Variants in TRUB1 observed in about 807,000 individuals in gnomAD.
TRUB1 encodes the protein pseudouridylate synthase TRUB1.
A neutral mutation model predicts 33.9 loss-of-function variants in TRUB1; 23 were observed. The observed-to-expected ratio is 0.68, with a 90% CI of 0.49 to 0.96. TRUB1 has a LOEUF of 0.96. Among genes scored for constraint, TRUB1 ranks in the 40% least tolerant of loss-of-function variants. TRUB1 has a pLI of 0.00. For synonymous variants in TRUB1, 163 were observed against 165.4 expected (o/e 0.99, Z 0.11); for missense variants, 378 against 422.2 (o/e 0.90, Z 0.92).
chr10:114,970,617 G>A (rs1245273444), intron 5 of TRUB1, among the ~76,000 whole-genome samples, 177 bp downstream of exon 5: 2 of 152,224 alleles, frequency 1.3e-5, no homozygotes, highest in Non-Finnish European at 2.9e-5. Context: ...CACTCTAAGA[G>A]GCAGTGGAAT....
chr10:114,942,439 G>C (rs1564696880), intron 1 of TRUB1, among the ~76,000 whole-genome samples: 1 of 152,000 alleles, frequency 6.6e-6, no homozygotes, highest in Non-Finnish European at 1.5e-5. Flanking sequence ...GCTGATTTTG[G>C]AATACTCTTT....
At chr10:114,964,262 G>T (rs544575763) in intron 4 of TRUB1, among the ~76,000 whole-genome samples, 2 of 151,908 alleles carry the variant, frequency 1.3e-5, no homozygotes, top group South Asian at 4.2e-4. Flanking sequence ...AGTGTTTTTG[G>T]CTTATTAGCC....
chr10:114,963,966 C>CGTGT (rs35359334), intron 4 of TRUB1, among the ~76,000 whole-genome samples: 159 of 148,998 alleles, frequency 1.1e-3, no homozygotes, highest in Admixed American at 1.5e-3. Context: ...GAATATAGGT[C>CGTGT]GTGTGTGTGT....
intron 4 of TRUB1, among the ~76,000 whole-genome samples, chr10:114,968,966 C>T (rs1179840017): frequency 1.3e-5 from 2 of 151,926 alleles, no homozygotes; most frequent in Non-Finnish European, 2.9e-5. Context: ...AATTTCTTAC[C>T]ATTGGCTGTG....
intron 3 of TRUB1, among the ~76,000 whole-genome samples, chr10:114,952,354 T>A (rs969037601): frequency 2.0e-5 from 3 of 152,146 alleles, no homozygotes; most frequent in African/African-American, 7.2e-5. Flanking sequence ...GGCAGGAGAA[T>A]CACTTGAACC....
chr10:114,964,427 A>C (rs1366512693), intron 4 of TRUB1, among the ~76,000 whole-genome samples: 1 of 151,452 alleles, frequency 6.6e-6, no homozygotes, highest in African/African-American at 2.4e-5. Context: ...TATAGTCTGG[A>C]TATGTTCTCT....
intron 4 of TRUB1, among the ~76,000 whole-genome samples, chr10:114,965,275 C>T (rs1486025728): frequency 6.6e-6 from 1 of 151,862 alleles, no homozygotes; most frequent in Non-Finnish European, 1.5e-5. Context: ...AAAGAAGTTG[C>T]CTTTTATTCC....
intron 6 of TRUB1, among the ~76,000 whole-genome samples, chr10:114,973,319 A>G (rs531430585): frequency 2.0e-5 from 3 of 152,334 alleles, no homozygotes. Flanking sequence ...TTCAGATTGC[A>G]TTTAAGTCAG....
chr10:114,947,538 C>T (rs1358601865), intron 2 of TRUB1, among the ~76,000 whole-genome samples: 2 of 152,318 alleles, frequency 1.3e-5, no homozygotes, highest in East Asian at 3.9e-4. Context: ...TTCCACCTTT[C>T]ATCAATAGTC....
At chr10:114,939,321 C>A (rs1436986437) in intron 1 of TRUB1, among the ~76,000 whole-genome samples, 1 of 152,134 alleles carries the variant, frequency 6.6e-6, no homozygotes, top group Non-Finnish European at 1.5e-5. Context: ...TACAATAAGC[C>A]AGGTCTGTGC....
rs1592054865 is a variant in TRUB1 at position 114,971,991 on chromosome 10, T to A, written c.597-144T>A. 5 of 912,868 alleles carry A rather than the reference T, an allele frequency of 5.5e-6. No homozygotes were observed. The East Asian group carries it at 1.3e-4, about 25-fold the overall frequency. The allele number at this position is 912,868 out of a possible 1,614,324, so 56.5% of individuals were successfully genotyped here. On this transcript the variant is annotated intron_variant, in intron 5 of 7. Coordinates refer to ENST00000298746, the MANE Select transcript of TRUB1 (RefSeq NM_139169.5). ...GATTAGAATTAAAAATTCATTCATT[T>A]TTTAGAAGGATTTTCATTGTGAAGC...
chr10:114,939,756 A>G (rs186656785), intron 1 of TRUB1, among the ~76,000 whole-genome samples: 106 of 151,980 alleles, frequency 7.0e-4, no homozygotes, highest in African/African-American at 2.5e-3. Flanking sequence ...TGGTATCATC[A>G]TAGTTTTTTA....
intron 5 of TRUB1, among the ~76,000 whole-genome samples, chr10:114,971,096 T>C (rs1331988259): frequency 6.6e-6 from 1 of 152,164 alleles, no homozygotes; most frequent in Admixed American, 6.5e-5. Context: ...TTTTCACAGA[T>C]GGCACCTTCT....
At chr10:114,944,385 T>A (rs2084202542) in intron 2 of TRUB1, among the ~76,000 whole-genome samples, 1 of 152,182 alleles carries the variant, frequency 6.6e-6, no homozygotes, top group South Asian at 2.1e-4. Context: ...TATGATTTTG[T>A]ATTTTCTAAA....
chr10:114,974,986 G>A, intron 7 of TRUB1, 137 bp from the exon 8 acceptor site: 1 of 967,784 alleles, frequency 1.0e-6, no homozygotes, highest in Non-Finnish European at 1.5e-6. Flanking sequence ...GAGGCCTCTT[G>A]GTTCTTATAT....
At position 114,974,347 on chromosome 10, in the gene TRUB1, G is replaced by T. The variant is rs556793703; in HGVS notation, c.755G>T (p.Gly252Val). 6.2e-7 allele frequency: 1 copy of T among 1,612,840 alleles called. No individual in the cohort carries two copies. Among genetic ancestry groups the T allele is most frequent in the South Asian group, 1.1e-5 (1 of 91,020 alleles). The change falls in exon 7 of 8, where the codon GGT becomes GTT. Residue 252 changes from glycine to valine, a missense_variant. Physicochemically the swap from Gly to Val is moderately radical, Grantham distance 109. Coordinates refer to ENST00000298746, the MANE Select transcript of TRUB1 (RefSeq NM_139169.5). ...FFTLDVECGG[G>V]FYIRSLVSDI... ...ATTCCAGATGTTGAATGTGGAGGAG[G>T]TTTTTATATCAGAAGCTTGGTCAGT... is the stretch of plus-strand genomic sequence containing the variant.
intron 3 of TRUB1, 59 bp downstream of exon 3, chr10:114,951,208 G>A (rs1055447993): frequency 2.2e-6 from 3 of 1,371,940 alleles, no homozygotes; most frequent in Non-Finnish European, 3.1e-6. Context: ...TACATGTATT[G>A]GGTTTTTATC....
rs1215452367 is a variant in TRUB1 at position 114,959,716 on chromosome 10, C to T, written c.442-10C>T. Reference sequence around the variant, plus strand: ...ACGGCCCATTTTCTCTCTTGTTTCCCTTCCTCTAGAGATATACTGCCATTG... The same window carrying T: ...ACGGCCCATTTTCTCTCTTGTTTCCTTTCCTCTAGAGATATACTGCCATTG... On this transcript the variant is annotated splice_polypyrimidine_tract_variant and intron_variant, in intron 3 of 7. Coordinates refer to ENST00000298746, the MANE Select transcript of TRUB1 (RefSeq NM_139169.5). The T allele has an allele frequency of 1.9e-6, 3 of 1,588,610 alleles. No individual in the cohort carries two copies. In the East Asian group the frequency reaches 6.7e-5, roughly 35 times the overall value.
chr10:114,944,540 T>C (rs2084203297), intron 2 of TRUB1, among the ~76,000 whole-genome samples: 1 of 152,156 alleles, frequency 6.6e-6, no homozygotes, highest in East Asian at 1.9e-4. Context: ...GTGCCTGTAA[T>C]GCCAGCTACT....
Sources: allele counts gnomAD v4.1 joint callset (sites outside exome capture counted in the v4.1 genomes callset), GRCh38; gene constraint gnomAD v4.1.1; transcripts MANE v1.5; gene names NCBI Gene and HGNC (gene_info 2026-07-23, HGNC 2026-07-21).